Variants in SLC35B2 observed in about 807,000 individuals in gnomAD.
SLC35B2 encodes the protein solute carrier family 35 member B2, also known as adenosine 3'-phospho 5'-phosphosulfate transporter 1.
SLC35B2 carries 19 observed loss-of-function variants against 37.9 expected under a neutral mutation model. The observed-to-expected ratio is 0.50, with a 90% CI of 0.35 to 0.74. The LOEUF (loss-of-function observed/expected upper bound fraction) is 0.74. Ranked by LOEUF, SLC35B2 falls within the 30% of genes least tolerant of loss-of-function variation. SLC35B2 has a pLI of 0.01. For missense variants in SLC35B2, 633 were observed against 547.6 expected, an observed-to-expected ratio of 1.16 and a Z score of -1.56; for synonymous variants, 277 against 225.2, an observed-to-expected ratio of 1.23 and a Z score of -2.06.
Position 44,255,132 on chromosome 6 carries a change from G to A in SLC35B2, c.873C>T (p.Ala291=). ...FDSFTSNWQD[A]LFAYKMSSVQ... ...CCGATGACATCTTATAGGCAAACAGGGCATCCTGCCAGTTTGAGGTGAAGC... is the reference window on the plus strand; with the variant it reads ...CCGATGACATCTTATAGGCAAACAGAGCATCCTGCCAGTTTGAGGTGAAGC... The change falls in exon 4 of 4, where the codon GCC becomes GCT. Residue 291 remains alanine (A), a synonymous_variant. Transcript: ENST00000393812. The A allele has an allele frequency of 6.2e-7, 1 of 1,614,186 alleles. No individual in the cohort carries two copies. The highest frequency in any genetic ancestry group is 8.5e-7 in the Non-Finnish European group (1 of 1,180,022).
chr6:44,256,084 G>C (rs142819502), intron 3 of SLC35B2, among the ~76,000 whole-genome samples: 59 of 144,962 alleles, frequency 4.1e-4, no homozygotes, highest in Middle Eastern at 7.4e-3. Context: ...AATAGGGCAA[G>C]AGGAGTCCTC....
Position 44,257,477 on chromosome 6 carries a change from G to A in SLC35B2, c.-67C>T, listed in dbSNP as rs1184709006. 4 of 1,232,574 alleles carry A rather than the reference G, an allele frequency of 3.2e-6. No individual in the cohort carries two copies. The East Asian group carries it at 9.6e-5, about 30-fold the overall frequency. The allele number at this position is 1,232,574 out of a possible 1,614,324, so 76.4% of individuals were successfully genotyped here. A position where few individuals can be genotyped will look rare whatever the true frequency, so the allele number is the denominator to read the frequency against. On this transcript the variant is annotated 5_prime_UTR_variant, in exon 1 of 4. Transcript: ENST00000393812. The stretch of plus-strand genomic sequence containing the variant: ...AGTCCCCGGGCCGCGCGCCCCCTGC[G>A]CTCCCGCCGCCGCCTCCAGGAGCGG...
rs1201243104 is a variant in SLC35B2, at chr6:44,254,430, C to G, written c.*276G>C. 1.2e-4 allele frequency: 51 copies of G among 415,216 alleles called. No homozygotes were observed. Among genetic ancestry groups the G allele is most frequent in the Non-Finnish European group, 4.3e-6 (1 of 231,942 alleles). 25.7% of individuals were successfully genotyped at this position (415,216 alleles called of 1,614,324 possible). On this transcript the variant is annotated 3_prime_UTR_variant, in exon 4 of 4. Coordinates refer to ENST00000393812, the MANE Select transcript of SLC35B2 (RefSeq NM_178148.4). ...GAACTTGTGGGAAGAGTAACTGGAA[C>G]CTACCTATGCTCTCTTGACCCCAAA...
chr6:44,254,773 G>A lies in SLC35B2; in HGVS notation c.1232C>T (p.Ala411Val), dbSNP rs762279662. The A allele has an allele frequency of 3.7e-6, 6 of 1,614,010 alleles. No individual in the cohort carries two copies. Among genetic ancestry groups the A allele is most frequent in the African/African-American group, 1.3e-5 (1 of 74,890 alleles). The change falls in exon 4 of 4, where the codon GCG (alanine) becomes GTG (valine). Residue 411 changes from alanine to valine, a missense_variant. Physicochemically the swap from Ala to Val is moderately conservative, Grantham distance 64. Coordinates refer to ENST00000393812, the MANE Select transcript of SLC35B2 (RefSeq NM_178148.4). ...TCCCCGTTGCTTTAGACGGCCCCGC[G>A]CGTAGACTCTGAGCAGGAGGGCAGC... ...VFAALLLRVY[A>V]RGRLKQRGKK...
rs868023411 is a variant in SLC35B2 at position 44,255,109 on chromosome 6, G to A, written c.896C>T (p.Ser299Leu). Residue 299 changes from serine to leucine, a missense_variant, in exon 4 of 4, where the codon TCG becomes TTG. Coordinates refer to ENST00000393812, the MANE Select transcript of SLC35B2 (RefSeq NM_178148.4). ...ATTGACCCCAAACATCATCTGCACC[G>A]ATGACATCTTATAGGCAAACAGGGC... ...QDALFAYKMS[S>L]VQMMFGVNFF... The A allele has an allele frequency of 2.3e-5, 37 of 1,614,210 alleles. No individual in the cohort carries two copies. The Middle Eastern group carries it at 4.1e-3, about 180-fold the overall frequency.
At position 44,254,372 on chromosome 6, in the gene SLC35B2, G is replaced by A. The variant is rs3188; in HGVS notation, c.*334C>T. 17,866 of 281,864 alleles carry A rather than the reference G, an allele frequency of 0.063. 777 individuals are homozygous for A. Among genetic ancestry groups the A allele is most frequent in the Non-Finnish European group, 0.084 (12,349 of 147,182 alleles). 17.5% of individuals were successfully genotyped at this position (281,864 alleles called of 1,614,324 possible). A position where few individuals can be genotyped will look rare whatever the true frequency, so the allele number is the denominator to read the frequency against. ...TTTGCAGAGGGGAGTGAGTCTGGAA[G>A]GTGGCAGAGCACAGCTAGGGCAAGA... is the stretch of plus-strand genomic sequence containing the variant. On this transcript the variant is annotated 3_prime_UTR_variant, in exon 4 of 4. Coordinates refer to ENST00000393812, the MANE Select transcript of SLC35B2 (RefSeq NM_178148.4).
rs1486316026 is a variant in SLC35B2 at position 44,254,967 on chromosome 6, G to C, written c.1038C>G (p.Ile346Met). 8.7e-6 allele frequency: 14 copies of C among 1,614,240 alleles called. No individual in the cohort carries two copies. Among genetic ancestry groups the C allele is most frequent in the Non-Finnish European group, 1.2e-5 (14 of 1,180,038 alleles). The change falls in exon 4 of 4, where the codon ATC becomes ATG. Residue 346 changes from isoleucine (I) to methionine (M), a missense_variant. Coordinates refer to ENST00000393812, the MANE Select transcript of SLC35B2 (RefSeq NM_178148.4). The part of the protein sequence containing the change: ...EFAAHALLLS[I>M]CSACGQLFIF... Reference sequence around the variant, plus strand: ...TGAAGAGCTGGCCACATGCGGAGCAGATGGAGAGTAGCAGGGCATGGGCAG... The same window carrying C: ...TGAAGAGCTGGCCACATGCGGAGCACATGGAGAGTAGCAGGGCATGGGCAG...
rs1561909063 is a variant in SLC35B2 at position 44,255,434 on chromosome 6, G to A, written c.571C>T (p.Leu191=). ...APMYRYSFAS[L]SNVLSSWCQY... is the part of the protein sequence containing the mutation. ...CACCAGCTGCTAAGCACATTGGACA[G>A]GCTGGCAAAGGAGTACCGGTACATG... The change falls in exon 4 of 4, where the codon CTG becomes TTG. Residue 191 remains leucine, a synonymous_variant. Coordinates refer to ENST00000393812, the MANE Select transcript of SLC35B2 (RefSeq NM_178148.4). 1 of 1,614,274 alleles carries A rather than the reference G, an allele frequency of 6.2e-7. No homozygotes were observed. Among genetic ancestry groups the A allele is most frequent in the Non-Finnish European group, 8.5e-7 (1 of 1,180,050 alleles).
In SLC35B2 at chr6:44,254,900, T is replaced by C. The variant is rs375084737; in HGVS notation, c.1105A>G (p.Ile369Val). 8.1e-6 allele frequency: 13 copies of C among 1,613,966 alleles called. No homozygotes were observed. In the African/African-American group the frequency reaches 1.2e-4, roughly 15 times the overall value. The change falls in exon 4 of 4, where the codon ATC (isoleucine) becomes GTC (valine). Residue 369 changes from isoleucine (I) to valine (V), a missense_variant. Physicochemically the swap from Ile to Val is conservative, Grantham distance 29. Transcript: ENST00000393812. ...IGQFGAAVFT[I>V]IMTLRQAFAI... is the part of the protein sequence containing the mutation. Reference sequence around the variant, plus strand: ...AAGGCCTGGCGGAGGGTCATGATGATGGTGAAGACGGCAGCCCCAAACTGC... The same window carrying C: ...AAGGCCTGGCGGAGGGTCATGATGACGGTGAAGACGGCAGCCCCAAACTGC...
At position 44,256,736 on chromosome 6, in the gene SLC35B2, G is replaced by T. The variant is rs1310655495; in HGVS notation, c.154C>A (p.Pro52Thr). Residue 52 changes from proline (P) to threonine (T), a missense_variant, in exon 2 of 4, where the codon CCT becomes ACT. By Grantham distance (38) the Pro-to-Thr change is conservative (BLOSUM62 -1). Transcript: ENST00000393812. ...NAAGYASFMV[P>T]GYLLVQYFRR... is the part of the protein sequence containing the mutation. ...AAGTACTGCACCAGGAGGTAGCCAG[G>T]TACCATAAAGCTGGCATAGCCAGCA... 2 of 1,614,164 alleles carry T rather than the reference G, an allele frequency of 1.2e-6. No homozygotes were observed. Among genetic ancestry groups the T allele is most frequent in the South Asian group, 1.1e-5 (1 of 91,086 alleles).
intron 3 of SLC35B2, 122 bp from the exon 4 acceptor site, chr6:44,255,766 G>A: frequency 3.0e-6 from 3 of 984,132 alleles, no homozygotes; most frequent in Non-Finnish European, 4.4e-6. Flanking sequence ...ACACTTTTTG[G>A]TTCCTCTGTA....
At position 44,254,741 on chromosome 6, in the gene SLC35B2, CCTT is replaced by C. The variant is rs757813848; in HGVS notation, c.1261_1263del (p.Lys421del). ...TGCACAGGAGACTCAACAGGCACAGCCTTCTTTCCCCGTTGCTTTAGACGGCCC... is the reference window on the plus strand; with the variant it reads ...TGCACAGGAGACTCAACAGGCACAGCCTTTCCCCGTTGCTTTAGACGGCCC... On this transcript the variant is annotated inframe_deletion, in exon 4 of 4. Transcript: ENST00000393812. 25 of 1,613,666 alleles carry C rather than the reference CCTT, an allele frequency of 1.5e-5. No homozygotes were observed. In the African/African-American group the frequency reaches 3.1e-4, roughly 20 times the overall value.
In SLC35B2 at chr6:44,255,621, C is replaced by T; in HGVS notation, c.384G>A (p.Val128=). ...TGCGGGTCATCACTCTTTCCTGCAG[C>T]ACACCCCAAGTCAGATAAGACACCT... The part of the protein sequence containing the change: ...GLQVSYLTWG[V]LQERVMTRSY... Residue 128 remains valine, a synonymous_variant, in exon 4 of 4, where the codon GTG becomes GTA. Transcript: ENST00000393812. 1 of 1,613,710 alleles carries T rather than the reference C, an allele frequency of 6.2e-7. No homozygotes were observed. Among genetic ancestry groups the T allele is most frequent in the African/African-American group, 1.3e-5 (1 of 75,040 alleles).
At position 44,255,038 on chromosome 6, in the gene SLC35B2, C is replaced by T. The variant is rs774484083; in HGVS notation, c.967G>A (p.Ala323Thr). ...ATGAAGCGGGTTCCCTCCAGTAGGG[C>T]CCCCTGTTCTAGCAGTGAGCCCACT... ...FTVGSLLEQG[A>T]LLEGTRFMGR... Residue 323 changes from alanine (A) to threonine (T), a missense_variant, in exon 4 of 4, where the codon GCC (alanine) becomes ACC (threonine). Ala to Thr is a moderately conservative substitution (Grantham distance 58). Coordinates refer to ENST00000393812, the MANE Select transcript of SLC35B2 (RefSeq NM_178148.4). 6.2e-7 allele frequency: 1 copy of T among 1,614,166 alleles called. No individual in the cohort carries two copies. Among genetic ancestry groups the T allele is most frequent in the South Asian group, 1.1e-5 (1 of 91,086 alleles).
rs1781269630 is a variant in SLC35B2, at chr6:44,255,182, G to A, written c.823C>T (p.Leu275=). The A allele has an allele frequency of 1.2e-6, 2 of 1,614,254 alleles. No individual in the cohort carries two copies. Among genetic ancestry groups the A allele is most frequent in the Non-Finnish European group, 1.7e-6 (2 of 1,180,040 alleles). The change falls in exon 4 of 4, where the codon CTG becomes TTG. Residue 275 remains leucine (L), a synonymous_variant. Coordinates refer to ENST00000393812, the MANE Select transcript of SLC35B2 (RefSeq NM_178148.4). The part of the protein sequence containing the change: ...PATTLSGLIL[L]AGYIAFDSFT... The stretch of plus-strand genomic sequence containing the variant: ...CTGTCAAAAGCAATATAACCTGCCA[G>A]TAAGATGAGGCCTGAGAGTGTGGTG...
At position 44,255,001 on chromosome 6, in the gene SLC35B2, CTG is replaced by C. The variant is rs1561907670; in HGVS notation, c.1002_1003del (p.His334GlnfsTer2). The C allele has an allele frequency of 7.4e-6, 12 of 1,614,230 alleles. No individual in the cohort carries two copies. Among genetic ancestry groups the C allele is most frequent in the South Asian group, 2.2e-5 (2 of 91,084 alleles). On this transcript the variant is annotated frameshift_variant, in exon 4 of 4. Transcript: ENST00000393812. LOFTEE classifies it high-confidence loss of function. ...TAGCAGGGCATGGGCAGCAAACTCA[CTG>C]TGTCGCCCCATGAAGCGGGTTCCCT...
Position 44,254,533 on chromosome 6 carries a change from A to T in SLC35B2, c.*173T>A. ...TGCTTACTGGAAGATGGGTGACTTAAGGCAAAAGGGAAGGCTGCCTCCTGG... is the reference window on the plus strand; with the variant it reads ...TGCTTACTGGAAGATGGGTGACTTATGGCAAAAGGGAAGGCTGCCTCCTGG... On this transcript the variant is annotated 3_prime_UTR_variant, in exon 4 of 4. Coordinates refer to ENST00000393812, the MANE Select transcript of SLC35B2 (RefSeq NM_178148.4). 2.8e-6 allele frequency: 2 copies of T among 714,668 alleles called. No homozygotes were observed. Among genetic ancestry groups the T allele is most frequent in the Non-Finnish European group, 4.5e-6 (2 of 442,874 alleles). The allele number at this position is 714,668 out of a possible 1,614,324, so 44.3% of individuals were successfully genotyped here. A position where few individuals can be genotyped will look rare whatever the true frequency, so the allele number is the denominator to read the frequency against.
At chr6:44,257,656 G>C (rs527342773), upstream of SLC35B2, 29 of 184,012 alleles carry the variant, frequency 1.6e-4, no homozygotes, top group South Asian at 5.4e-3. Flanking sequence ...TGGGTTCCGG[G>C]GACCTGGGCT....
intron 3 of SLC35B2, 74 bp downstream of exon 3, chr6:44,256,267 TA>T: frequency 1.3e-6 from 2 of 1,536,146 alleles, no homozygotes; most frequent in Non-Finnish European, 8.7e-7. Flanking sequence ...CTGGGACTGG[TA>T]AAATGGAAAC....
Sources: allele counts gnomAD v4.1 joint callset (sites outside exome capture counted in the v4.1 genomes callset), GRCh38; gene constraint gnomAD v4.1.1; transcripts MANE v1.5; gene names NCBI Gene and HGNC (gene_info 2026-07-23, HGNC 2026-07-21).